TMEM178B: variants seen among roughly 807,000 people sequenced by gnomAD.
TMEM178B encodes the protein transmembrane protein 178B.
In TMEM178B, 5 loss-of-function variants were observed where a neutral mutation model predicts 31.0. The observed-to-expected ratio is 0.16, with a 90% CI of 0.08 to 0.34. The LOEUF is 0.34. TMEM178B is among the 10% of genes least tolerant of loss of function. The pLI is 1.00. For missense variants in TMEM178B, 275 were observed against 400.3 expected (o/e 0.69, Z 2.67); for synonymous variants, 164 against 164.0 (o/e 1.00, Z 0.00).
chr7:141,405,055 A>T (rs1245496222), intron 2 of TMEM178B, among the ~76,000 whole-genome samples: 1 of 152,142 alleles, frequency 6.6e-6, no homozygotes, highest in Non-Finnish European at 1.5e-5. Flanking sequence ...AGGCTTTTCC[A>T]TGTGTCTTCC....
At chr7:141,480,903 C>T (rs1802463596), downstream of TMEM178B, among the ~76,000 whole-genome samples, 1 of 152,176 alleles carries the variant, frequency 6.6e-6, no homozygotes, top group African/African-American at 2.4e-5. Flanking sequence ...AGCAAGTGCT[C>T]TGTAAAGGGT....
At chr7:141,275,922 T>C (rs930821937) in intron 2 of TMEM178B, among the ~76,000 whole-genome samples, 1 of 152,224 alleles carries the variant, frequency 6.6e-6, no homozygotes, top group Non-Finnish European at 1.5e-5. Flanking sequence ...GATGTGTTCA[T>C]GGAGAGCTGC....
intron 1 of TMEM178B, among the ~76,000 whole-genome samples, chr7:141,091,332 C>T (rs1287891545): frequency 6.6e-6 from 1 of 152,098 alleles, no homozygotes; most frequent in African/African-American, 2.4e-5. Context: ...GTAACCCTTT[C>T]ACTGGAAAAC....
intron 2 of TMEM178B, among the ~76,000 whole-genome samples, chr7:141,213,707 G>A (rs1797084392): frequency 6.6e-6 from 1 of 152,200 alleles, no homozygotes. Context: ...CCCACCAGGT[G>A]TATTCTACTT....
chr7:141,122,524 C>T (rs1795426523), intron 1 of TMEM178B, among the ~76,000 whole-genome samples: 5 of 152,226 alleles, frequency 3.3e-5, no homozygotes, highest in Admixed American at 3.3e-4. Context: ...CAAATTCCAT[C>T]CTGTCCTAGG....
At chr7:141,225,431 T>G (rs938964584) in intron 2 of TMEM178B, among the ~76,000 whole-genome samples, 1 of 57,486 alleles carries the variant, frequency 1.7e-5, no homozygotes, top group African/African-American at 7.6e-5. Flanking sequence ...CAACAGGAAT[T>G]TTTTTTTCTA....
intron 2 of TMEM178B, among the ~76,000 whole-genome samples, chr7:141,296,692 C>A (rs759356601): frequency 6.6e-6 from 1 of 152,120 alleles, no homozygotes; most frequent in Non-Finnish European, 1.5e-5. Context: ...CAGAGAGATC[C>A]CATATACCCT....
intron 2 of TMEM178B, among the ~76,000 whole-genome samples, chr7:141,304,219 C>G (rs991794002): frequency 6.6e-6 from 1 of 152,074 alleles, no homozygotes; most frequent in Non-Finnish European, 1.5e-5. Flanking sequence ...TTTATCTTCC[C>G]ACCTGAAAGA....
chr7:141,132,251 T>C (rs929440005), intron 1 of TMEM178B, among the ~76,000 whole-genome samples: 1 of 152,178 alleles, frequency 6.6e-6, no homozygotes, highest in Non-Finnish European at 1.5e-5. Flanking sequence ...CAGACTACCA[T>C]TTCTGTTGGA....
Position 141,074,377 on chromosome 7 carries a change from G to A in TMEM178B, c.67G>A (p.Ala23Thr). The A allele has an allele frequency of 6.5e-7, 1 of 1,536,142 alleles. No individual in the cohort carries two copies. The highest frequency in any genetic ancestry group is 2.0e-5 in the Admixed American group (1 of 51,008). The change falls in exon 1 of 4, where the codon GCC becomes ACC. Residue 23 changes from alanine to threonine, a missense_variant. By Grantham distance (58) the Ala-to-Thr change is moderately conservative. Coordinates refer to ENST00000565468, the MANE Select transcript of TMEM178B (RefSeq NM_001195278.2). This position sits in a 1 kb window ranked among gnomAD's most constrained non-coding sequence, Gnocchi z 5.1. Reference protein sequence around the residue: ...SLALCALGMLAVAICSDHWYE... With the variant: ...SLALCALGMLTVAICSDHWYE... ...AGCGCTCTGCGCCCTCGGCATGCTGGCCGTGGCCATCTGCTCGGACCACTG... is the reference window on the plus strand; with the variant it reads ...AGCGCTCTGCGCCCTCGGCATGCTGACCGTGGCCATCTGCTCGGACCACTG...
At chr7:141,114,303 A>G (rs1301202282) in intron 1 of TMEM178B, among the ~76,000 whole-genome samples, 4 of 152,044 alleles carry the variant, frequency 2.6e-5, no homozygotes, top group African/African-American at 9.7e-5. Context: ...CTTCAGCTGC[A>G]CTGTATATCT....
chr7:141,324,924 C>T (rs1482980513), intron 2 of TMEM178B, among the ~76,000 whole-genome samples: 1 of 152,072 alleles, frequency 6.6e-6, no homozygotes, highest in Non-Finnish European at 1.5e-5. Flanking sequence ...TCATAATCTG[C>T]TCTTTGTGAC....
intron 2 of TMEM178B, among the ~76,000 whole-genome samples, chr7:141,304,658 C>T (rs987195203): frequency 7.9e-5 from 12 of 152,190 alleles, no homozygotes; most frequent in African/African-American, 2.9e-4. Context: ...GCACAGTTGC[C>T]CTTGGAGTTG....
chr7:141,248,813 G>C (rs185171717), intron 2 of TMEM178B, among the ~76,000 whole-genome samples: 1 of 152,288 alleles, frequency 6.6e-6, no homozygotes, highest in Non-Finnish European at 1.5e-5. Context: ...TCATAAGCAC[G>C]ATACACTTAG....
intron 3 of TMEM178B, among the ~76,000 whole-genome samples, chr7:141,444,924 T>C (rs963393477): frequency 1.3e-5 from 2 of 152,044 alleles, no homozygotes; most frequent in East Asian, 3.9e-4. Flanking sequence ...TATGTGTCAT[T>C]CACTCTGTGT....
the TMEM178B span, among the ~76,000 whole-genome samples, chr7:141,486,429 C>A: frequency 2.6e-5 from 4 of 152,198 alleles, no homozygotes; most frequent in Admixed American, 2.0e-4. Context: ...CTTCAGGACC[C>A]TGTCTGCCCC....
the TMEM178B span, among the ~76,000 whole-genome samples, chr7:141,496,420 T>C: frequency 6.6e-6 from 1 of 152,296 alleles, no homozygotes; most frequent in East Asian, 1.9e-4. Context: ...TTAAAACCTC[T>C]GTAGATTTGG....
At chr7:141,253,724 GTATTTT>G (rs1383131271) in intron 2 of TMEM178B, among the ~76,000 whole-genome samples, 1 of 151,284 alleles carries the variant, frequency 6.6e-6, no homozygotes, top group African/African-American at 2.4e-5. Flanking sequence ...CTAAATTTTG[GTATTTT>G]TAGTAGAGAC....
At chr7:141,201,742 GCT>G (rs557655744) in intron 1 of TMEM178B, among the ~76,000 whole-genome samples, 65 of 152,272 alleles carry the variant, frequency 4.3e-4, no homozygotes, top group Admixed American at 1.0e-3. Flanking sequence ...TCACTTCTGT[GCT>G]CTGTGTTACT....
Sources: allele counts gnomAD v4.1 joint callset (sites outside exome capture counted in the v4.1 genomes callset), GRCh38; gene constraint gnomAD v4.1.1; non-coding constraint Gnocchi (gnomAD v3.1); transcripts MANE v1.5; gene names NCBI Gene and HGNC (gene_info 2026-07-23, HGNC 2026-07-21).